Variants in SYT16 observed in about 807,000 individuals in gnomAD.
The protein encoded by SYT16 is synaptotagmin 16.
In SYT16, 42 loss-of-function variants were observed where a neutral mutation model predicts 61.4. The ratio of observed to expected loss-of-function variants is 0.68; its 90% CI spans 0.53 to 0.89. The LOEUF is 0.89. Among genes scored for constraint, SYT16 ranks in the 40% least tolerant of loss-of-function variants. The pLI is 0.00. For synonymous variants in SYT16, 314 were observed against 302.3 expected (o/e 1.04, Z -0.40); for missense variants, 804 against 807.3 (o/e 1.00, Z 0.05).
chr14:61,941,610 A>T (rs1190410642), intron 1 of SYT16, among the ~76,000 whole-genome samples: 1 of 152,128 alleles, frequency 6.6e-6, no homozygotes, highest in Non-Finnish European at 1.5e-5. Context: ...CCCTTGCCCC[A>T]GCCTGCGGCA....
chr14:62,014,871 A>T (rs2053606136), intron 3 of SYT16, among the ~76,000 whole-genome samples: 1 of 152,252 alleles, frequency 6.6e-6, no homozygotes, highest in Non-Finnish European at 1.5e-5. Context: ...TTTGAAAGAT[A>T]CATAGCCTTC....
chr14:61,956,405 A>T (rs1490752900), intron 1 of SYT16, among the ~76,000 whole-genome samples: 1 of 151,988 alleles, frequency 6.6e-6, no homozygotes, highest in Non-Finnish European at 1.5e-5. Flanking sequence ...TTTTAAAACT[A>T]CGTTTTCTTC....
intron 3 of SYT16, among the ~76,000 whole-genome samples, chr14:62,062,489 G>A (rs1237962495): frequency 2.0e-5 from 3 of 152,160 alleles, no homozygotes; most frequent in African/African-American, 4.8e-5. Context: ...CCACGTCTAC[G>A]TTGGCATTGA....
chr14:61,886,769 C>A (rs2047914324), intron 1 of SYT16, among the ~76,000 whole-genome samples: 1 of 151,628 alleles, frequency 6.6e-6, no homozygotes, highest in South Asian at 2.1e-4. Flanking sequence ...CCATGAATCA[C>A]AAATGTTCTT....
chr14:61,918,235 C>A (rs2049193105), intron 1 of SYT16, among the ~76,000 whole-genome samples: 1 of 152,152 alleles, frequency 6.6e-6, no homozygotes, highest in Non-Finnish European at 1.5e-5. Context: ...TTTTAAACAA[C>A]TTTTGTCTCA....
intron 3 of SYT16, among the ~76,000 whole-genome samples, chr14:62,011,922 C>CATATATATATATATATATAT (rs1566762614): frequency 1.1e-5 from 1 of 92,682 alleles, no homozygotes; most frequent in African/African-American, 4.7e-5. Flanking sequence ...TACACACACA[C>CATATATATATATATATATAT]ACACATATAT....
At chr14:62,015,584 G>C (rs773116873) in intron 3 of SYT16, among the ~76,000 whole-genome samples, 1 of 152,132 alleles carries the variant, frequency 6.6e-6, no homozygotes, top group Non-Finnish European at 1.5e-5. Context: ...ATAGTCCCCA[G>C]TATGATGGTA....
At chr14:62,083,355 G>A (rs1033154643) in intron 6 of SYT16, among the ~76,000 whole-genome samples, 1 of 152,126 alleles carries the variant, frequency 6.6e-6, no homozygotes, top group African/African-American at 2.4e-5. Flanking sequence ...GTGTTTCAGG[G>A]GGACAGGATT....
At chr14:61,863,992 C>T (rs1351512518) in intron 1 of SYT16, among the ~76,000 whole-genome samples, 2 of 152,230 alleles carry the variant, frequency 1.3e-5, no homozygotes, top group East Asian at 3.8e-4. Flanking sequence ...ACCAATGCTA[C>T]ATTGTCTGTA....
At chr14:61,855,703 A>G (rs1484084762) in intron 1 of SYT16, among the ~76,000 whole-genome samples, 1 of 152,206 alleles carries the variant, frequency 6.6e-6, no homozygotes, top group East Asian at 1.9e-4. Context: ...TGACTATTAA[A>G]CTACTAGAAA....
At chr14:61,829,346 T>G (rs572664206) in intron 1 of SYT16, among the ~76,000 whole-genome samples, 1 of 152,232 alleles carries the variant, frequency 6.6e-6, no homozygotes, top group African/African-American at 2.4e-5. Context: ...TTTTATTATC[T>G]TAAATTTTCA....
chr14:61,845,867 C>T (rs889052858), intron 1 of SYT16, among the ~76,000 whole-genome samples: 6 of 152,036 alleles, frequency 3.9e-5, no homozygotes, highest in South Asian at 4.1e-4. Flanking sequence ...TGGTATGGGA[C>T]TTATGTGTTT....
chr14:61,911,234 C>T (rs78002585), intron 1 of SYT16, among the ~76,000 whole-genome samples: 5 of 152,096 alleles, frequency 3.3e-5, no homozygotes, highest in East Asian at 1.9e-4. Flanking sequence ...TTTCAAGGAC[C>T]GGCCATAGAC....
chr14:61,928,977 C>T (rs1211524830), intron 1 of SYT16, among the ~76,000 whole-genome samples: 1 of 152,216 alleles, frequency 6.6e-6, no homozygotes, highest in Non-Finnish European at 1.5e-5. Context: ...GGAAAATTCA[C>T]TTTGTACCAT....
chr14:61,942,054 CAATG>C (rs1443136226), intron 1 of SYT16, among the ~76,000 whole-genome samples: 2 of 152,110 alleles, frequency 1.3e-5, no homozygotes, highest in African/African-American at 4.8e-5. Flanking sequence ...TGCAACTCAA[CAATG>C]AATATTATAT....
chr14:61,962,738 C>A (rs2051164846), intron 1 of SYT16, among the ~76,000 whole-genome samples: 1 of 151,978 alleles, frequency 6.6e-6, no homozygotes, highest in South Asian at 2.1e-4. Context: ...TGTCAGATGA[C>A]TTGTCTTTGA....
chr14:61,979,041 A>G (rs181615315), intron 2 of SYT16, among the ~76,000 whole-genome samples: 4 of 152,328 alleles, frequency 2.6e-5, no homozygotes, highest in Admixed American at 2.6e-4. Flanking sequence ...TGTATCTTTC[A>G]GGATCCTCTT....
At chr14:62,057,354 A>G (rs777138991) in intron 3 of SYT16, among the ~76,000 whole-genome samples, 1 of 152,230 alleles carries the variant, frequency 6.6e-6, no homozygotes, top group Non-Finnish European at 1.5e-5. Flanking sequence ...CCCAGGTTGT[A>G]GTATCATTGT....
chr14:62,028,985 T>C (rs945537681), intron 3 of SYT16, among the ~76,000 whole-genome samples: 3 of 152,192 alleles, frequency 2.0e-5, no homozygotes, highest in Non-Finnish European at 2.9e-5. Context: ...TGGGAACTAT[T>C]TCTTAATACT....
Sources: gnomAD v4.1 joint callset for allele counts (sites outside exome capture counted in the v4.1 genomes callset) on GRCh38, gnomAD v4.1.1 for gene constraint, MANE v1.5 for transcripts, NCBI Gene and HGNC (gene_info 2026-07-23, HGNC 2026-07-21) for gene names.